The following LRP1B variants were observed in gnomAD, a reference collection of about 807,000 sequenced individuals.
LRP1B encodes LDL receptor related protein 1B, also known as low-density lipoprotein receptor-related protein 1B.
Under a neutral mutation model 556.6 loss-of-function variants are expected in LRP1B, and 217 were observed. The ratio of observed to expected loss-of-function variants is 0.39; its 90% CI spans 0.35 to 0.44. The LOEUF (loss-of-function observed/expected upper bound fraction) is 0.44, where lower values mean the gene tolerates loss of function less well. Ranked by LOEUF, LRP1B falls within the 20% of genes least tolerant of loss-of-function variation. The probability of loss-of-function intolerance (pLI) is 1.00; values close to 1 mark genes in which losing one functional copy is unlikely to be tolerated. For synonymous variants in LRP1B, 2,047 were observed against 1,865.8 expected (o/e 1.10, Z -2.50); for missense variants, 5,053 against 5,620.8 (o/e 0.90, Z 3.23).
rs187223813 is a variant in LRP1B, at chr2:141,580,130, T to A, written c.206-99597A>T. Among the ~76,000 whole-genome samples the A allele has an allele frequency of 4.6e-3, 695 of 152,324 alleles. 7 individuals are homozygous for A. Among genetic ancestry groups the A allele is most frequent in the African/African-American group, 0.016 (671 of 41,564 alleles). On this transcript the variant is annotated intron_variant, in intron 2 of 90. Transcript: ENST00000389484. ...GACTAGGAATCCTTACTTTCTATAA[T>A]CTCAGTTAGAAATGTGGACATTAAA...
chr2:141,179,017 T>C (rs1314218776), intron 7 of LRP1B, among the ~76,000 whole-genome samples: 2 of 152,100 alleles, frequency 1.3e-5, no homozygotes, highest in African/African-American at 4.8e-5. Context: ...GATTGTTCTA[T>C]TGATATTCAG....
At chr2:141,856,780 A>G (rs1347109860) in intron 1 of LRP1B, among the ~76,000 whole-genome samples, 2 of 152,146 alleles carry the variant, frequency 1.3e-5, no homozygotes, top group Non-Finnish European at 2.9e-5. Flanking sequence ...CTCAGGGCTC[A>G]TGCTGAAAAT....
chr2:141,016,333 C>A (rs1178471577), intron 12 of LRP1B, among the ~76,000 whole-genome samples: 1 of 152,098 alleles, frequency 6.6e-6, no homozygotes, highest in Non-Finnish European at 1.5e-5. Context: ...ACATGAGAAC[C>A]CACGGCACAG....
intron 27 of LRP1B, among the ~76,000 whole-genome samples, chr2:140,859,840 A>G (rs1270031617): frequency 6.6e-6 from 1 of 151,772 alleles, no homozygotes; most frequent in East Asian, 1.9e-4. Context: ...TAAAAATACA[A>G]AAAAATTAGC....
At chr2:140,747,600 G>A (rs1364375820) in intron 35 of LRP1B, among the ~76,000 whole-genome samples, 1 of 152,140 alleles carries the variant, frequency 6.6e-6, no homozygotes, top group Non-Finnish European at 1.5e-5. Context: ...AAAACATGTG[G>A]TATGGGAGTT....
chr2:141,905,437 T>C (rs1276324658), intron 1 of LRP1B, among the ~76,000 whole-genome samples: 1 of 151,366 alleles, frequency 6.6e-6, no homozygotes, highest in East Asian at 2.0e-4. Flanking sequence ...TTGAAGTGAG[T>C]CCAATCAACG....
At chr2:141,044,336 T>A (rs1232444729) in intron 11 of LRP1B, among the ~76,000 whole-genome samples, 1 of 151,654 alleles carries the variant, frequency 6.6e-6, no homozygotes, top group African/African-American at 2.4e-5. Context: ...AACCTAGGCA[T>A]TACCATTCAG....
intron 7 of LRP1B, among the ~76,000 whole-genome samples, chr2:141,160,092 G>A (rs1180411666): frequency 1.3e-5 from 2 of 151,676 alleles, no homozygotes; most frequent in East Asian, 1.9e-4. Context: ...TTCTGCACAT[G>A]TATCCCATTT....
intron 2 of LRP1B, among the ~76,000 whole-genome samples, chr2:141,797,556 A>T (rs1199798199): frequency 6.6e-6 from 1 of 152,128 alleles, no homozygotes; most frequent in Non-Finnish European, 1.5e-5. Context: ...TCAAATTCAC[A>T]TAACATAAGG....
At chr2:141,310,115 G>C (rs1686755928) in intron 3 of LRP1B, among the ~76,000 whole-genome samples, 1 of 152,006 alleles carries the variant, frequency 6.6e-6, no homozygotes, top group Non-Finnish European at 1.5e-5. Context: ...TGTATGTATA[G>C]GTAGACAAAC....
chr2:142,016,128 G>A (rs1258081993), intron 1 of LRP1B, among the ~76,000 whole-genome samples: 2 of 151,198 alleles, frequency 1.3e-5, no homozygotes, highest in Admixed American at 1.3e-4. Context: ...AAACCACAAT[G>A]AGATACCATC....
At chr2:140,650,637 C>T (rs988083709) in intron 41 of LRP1B, among the ~76,000 whole-genome samples, 2 of 152,114 alleles carry the variant, frequency 1.3e-5, no homozygotes, top group African/African-American at 4.8e-5. Context: ...GTGTGAGCCA[C>T]CATGCCCGGC....
At chr2:141,819,333 A>G (rs1275371436) in intron 1 of LRP1B, among the ~76,000 whole-genome samples, 1 of 152,114 alleles carries the variant, frequency 6.6e-6, no homozygotes, top group East Asian at 1.9e-4. Context: ...TACTCAAAAC[A>G]CCGAAAAGCT....
chr2:140,809,218 T>C (rs909804696), intron 32 of LRP1B, among the ~76,000 whole-genome samples: 2 of 152,090 alleles, frequency 1.3e-5, no homozygotes, highest in Admixed American at 6.6e-5. Context: ...CTAGCCTATA[T>C]AGTAGGTTAG....
At chr2:141,982,006 A>G (rs1702056130) in intron 1 of LRP1B, among the ~76,000 whole-genome samples, 1 of 152,138 alleles carries the variant, frequency 6.6e-6, no homozygotes, top group African/African-American at 2.4e-5. Flanking sequence ...CACCTTTCCA[A>G]TCACCAGAAA....
At chr2:140,418,465 T>C (rs989276188) in intron 66 of LRP1B, among the ~76,000 whole-genome samples, 2 of 152,106 alleles carry the variant, frequency 1.3e-5, no homozygotes, top group African/African-American at 2.4e-5. Context: ...AAAAGTATGT[T>C]TGAGAAAGCT....
At chr2:141,755,543 A>G (rs541432195) in intron 2 of LRP1B, among the ~76,000 whole-genome samples, 12 of 152,214 alleles carry the variant, frequency 7.9e-5, no homozygotes, top group African/African-American at 2.9e-4. Flanking sequence ...ATAGAGAAAA[A>G]TCATGTTTAC....
chr2:140,460,241 G>C (rs1470478753), intron 60 of LRP1B, among the ~76,000 whole-genome samples: 6 of 152,102 alleles, frequency 3.9e-5, no homozygotes, highest in Admixed American at 1.3e-4. Flanking sequence ...GATGACACCG[G>C]ATGCCAGGGC....
At position 140,371,250 on chromosome 2, in the gene LRP1B, C is replaced by T. The variant is rs763615773; in HGVS notation, c.10804G>A (p.Ala3602Thr). The change falls in exon 70 of 91, where the codon GCC (alanine) becomes ACC (threonine). Residue 3602 changes from alanine to threonine, a missense_variant. By Grantham distance (58) the Ala-to-Thr change is moderately conservative. Transcript: ENST00000389484. ...GATGCTGAAATACATCCATCACTGG[C>T]ACATATATATTCACGTGATGAGCAA... ...PTCSSREYIC[A>T]SDGCISASLK... is the part of the protein sequence containing the mutation. 11 of 1,594,498 alleles carry T rather than the reference C, an allele frequency of 6.9e-6. No homozygotes were observed. In the East Asian group the frequency reaches 1.4e-4, roughly 20 times the overall value.
Sources: allele counts gnomAD v4.1 joint callset (sites outside exome capture counted in the v4.1 genomes callset), GRCh38; gene constraint gnomAD v4.1.1; transcripts MANE v1.5; gene names NCBI Gene and HGNC (gene_info 2026-07-23, HGNC 2026-07-21).